The following AMPH variants were observed in gnomAD, a reference collection of about 807,000 sequenced individuals.
The protein encoded by AMPH is amphiphysin (Stiff-Mann syndrome with breast cancer 128kD autoantigen).
In AMPH, 49 loss-of-function variants were observed where a neutral mutation model predicts 99.1. That is an observed-to-expected ratio of 0.49 (90% confidence interval 0.39 to 0.63). The LOEUF (loss-of-function observed/expected upper bound fraction) is 0.63, where lower values mean the gene tolerates loss of function less well. Among genes scored for constraint, AMPH ranks in the 20% least tolerant of loss-of-function variants. The pLI is 0.00. For synonymous variants in AMPH, 314 were observed against 317.3 expected (o/e 0.99, Z 0.11); for missense variants, 759 against 863.4 (o/e 0.88, Z 1.52).
At chr7:38,513,353 G>C (rs1374383549) in intron 2 of AMPH, among the ~76,000 whole-genome samples, 1 of 152,102 alleles carries the variant, frequency 6.6e-6, no homozygotes, top group African/African-American at 2.4e-5. Flanking sequence ...GCTTTACAGG[G>C]TGATGATTTT....
At chr7:38,610,287 AG>A (rs1793597887) in intron 1 of AMPH, among the ~76,000 whole-genome samples, 6 of 27,214 alleles carry the variant, frequency 2.2e-4, no homozygotes, top group Admixed American at 9.3e-4. Flanking sequence ...AAAGAAAGAA[AG>A]AAAGAAAGAA....
chr7:38,420,236 G>A (rs1231771780), intron 16 of AMPH, among the ~76,000 whole-genome samples: 4 of 152,166 alleles, frequency 2.6e-5, no homozygotes, highest in Non-Finnish European at 5.9e-5. Flanking sequence ...TTTAGAAATA[G>A]AGGCCACCTT....
chr7:38,455,516 G>T (rs2056035877), intron 11 of AMPH, among the ~76,000 whole-genome samples: 1 of 152,190 alleles, frequency 6.6e-6, no homozygotes, highest in African/African-American at 2.4e-5. Flanking sequence ...ATTCAACAGA[G>T]AAGTGATGGG....
At chr7:38,424,670 ATTT>A (rs1261940142) in intron 15 of AMPH, among the ~76,000 whole-genome samples, 1 of 152,268 alleles carries the variant, frequency 6.6e-6, no homozygotes, top group Admixed American at 6.5e-5. Flanking sequence ...GCCATGAAAT[ATTT>A]TTTTAAAATT....
intron 19 of AMPH, among the ~76,000 whole-genome samples, chr7:38,391,001 GAGAGAGAGAGAGAGAA>G (rs1562721094): frequency 7.2e-5 from 4 of 55,338 alleles, no homozygotes; most frequent in Non-Finnish European, 1.2e-4. Context: ...GAGAGAGAGA[GAGAGAGAGAGAGAGAA>G]TGATACAACA....
intron 1 of AMPH, among the ~76,000 whole-genome samples, chr7:38,562,197 G>T (rs916640443): frequency 3.4e-5 from 5 of 148,916 alleles, no homozygotes. Context: ...GACAGAGAAA[G>T]AAAAAAAAAT....
intron 1 of AMPH, among the ~76,000 whole-genome samples, chr7:38,583,763 T>C (rs764444715): frequency 2.5e-4 from 38 of 152,238 alleles, no homozygotes; most frequent in Non-Finnish European, 5.0e-4. Context: ...TAAAGCTGTG[T>C]CAGCCATGCA....
chr7:38,489,128 C>T (rs1432812524), intron 5 of AMPH, among the ~76,000 whole-genome samples: 1 of 152,092 alleles, frequency 6.6e-6, no homozygotes, highest in East Asian at 1.9e-4. Flanking sequence ...CAGCATTGTC[C>T]TGGCATAAAG....
intron 9 of AMPH, among the ~76,000 whole-genome samples, chr7:38,464,800 C>A (rs985875213): frequency 2.0e-5 from 3 of 152,128 alleles, no homozygotes; most frequent in Non-Finnish European, 4.4e-5. Context: ...AGCCTTCAAT[C>A]TCTGAGTACG....
intron 9 of AMPH, chr7:38,463,345 T>A (rs1002458806): frequency 1.6e-6 from 1 of 629,032 alleles, no homozygotes; most frequent in African/African-American, 1.8e-5. Context: ...ACAGTAGCCA[T>A]GTTTTATTGT....
intron 20 of AMPH, 33 bp from the exon 21 acceptor site, chr7:38,384,958 G>A: frequency 1.3e-6 from 2 of 1,577,036 alleles, no homozygotes; most frequent in South Asian, 2.2e-5. Flanking sequence ...TCAGGGTCCA[G>A]CAAACTACTG....
chr7:38,608,609 C>G (rs1437194451), intron 1 of AMPH, among the ~76,000 whole-genome samples: 1 of 152,120 alleles, frequency 6.6e-6, no homozygotes, highest in Non-Finnish European at 1.5e-5. Flanking sequence ...TGTATCTCCC[C>G]AATCCTCCAA....
At chr7:38,403,046 TTTG>T (rs148942096) in intron 17 of AMPH, among the ~76,000 whole-genome samples, 7,870 of 152,132 alleles carry the variant, frequency 0.052, 284 homozygotes, top group Non-Finnish European at 0.074. Flanking sequence ...CCAAGGTTTT[TTTG>T]TTGTTGTTGT....
At chr7:38,447,688 CACTTAGAAGTAAA>C (rs1249811389) in intron 11 of AMPH, among the ~76,000 whole-genome samples, 1 of 151,574 alleles carries the variant, frequency 6.6e-6, no homozygotes, top group Non-Finnish European at 1.5e-5. Flanking sequence ...TCAAAAAAAC[CACTTAGAAGTAAA>C]ACATATAGTC....
chr7:38,451,401 TGTG>T (rs1266924697), intron 11 of AMPH, among the ~76,000 whole-genome samples: 1 of 136,502 alleles, frequency 7.3e-6, no homozygotes, highest in Non-Finnish European at 1.5e-5. Context: ...TACATATACG[TGTG>T]TATATACACA....
intron 20 of AMPH, among the ~76,000 whole-genome samples, chr7:38,389,551 C>T (rs986646552): frequency 2.6e-5 from 4 of 152,134 alleles, no homozygotes; most frequent in South Asian, 2.1e-4. Context: ...ACAGAGATAA[C>T]ATTCCCAGAA....
At position 38,465,473 on chromosome 7, in the gene AMPH, G is replaced by C; in HGVS notation, c.743C>G (p.Ala248Gly). The C allele has an allele frequency of 6.4e-7, 1 of 1,574,486 alleles. No individual in the cohort carries two copies. The highest frequency in any genetic ancestry group is 1.2e-5 in the South Asian group (1 of 85,904). ...HADKAFTIQG[A>G]PSDSGPLRIA... ...CCAATGAGCAGGGGCCTACCTGGGC[G>C]CTCCTTGGATGGTGAAGGCCTTGTC... is the stretch of plus-strand genomic sequence containing the variant. Residue 248 changes from alanine to glycine, a missense_variant, in exon 9 of 21, where the codon GCG (alanine) becomes GGG (glycine). Physicochemically the swap from Ala to Gly is moderately conservative, Grantham distance 60. Coordinates refer to ENST00000356264, the MANE Select transcript of AMPH (RefSeq NM_001635.4).
chr7:38,619,324 T>C (rs1793976266), intron 1 of AMPH, among the ~76,000 whole-genome samples: 1 of 152,208 alleles, frequency 6.6e-6, no homozygotes, highest in Non-Finnish European at 1.5e-5. Flanking sequence ...CATTTAATAA[T>C]GACAAAAGGT....
At chr7:38,429,806 C>T in intron 14 of AMPH, 36 bp downstream of exon 14, 1 of 1,593,308 alleles carries the variant, frequency 6.3e-7, no homozygotes. Context: ...ATATCAAATA[C>T]CAAAAAAATC....
Sources: gnomAD v4.1 joint callset for allele counts (sites outside exome capture counted in the v4.1 genomes callset) on GRCh38, gnomAD v4.1.1 for gene constraint, MANE v1.5 for transcripts, NCBI Gene and HGNC (gene_info 2026-07-23, HGNC 2026-07-21) for gene names.